FYB1: variants seen among roughly 807,000 people sequenced by gnomAD.
FYB1 encodes FYN-binding protein 1.
A neutral mutation model predicts 94.1 loss-of-function variants in FYB1; 41 were observed. The observed-to-expected ratio is 0.44, with a 90% CI of 0.34 to 0.57. The LOEUF (loss-of-function observed/expected upper bound fraction) is 0.57, where lower values mean the gene tolerates loss of function less well. FYB1 is among the 20% of genes least tolerant of loss of function. FYB1 has a pLI of 0.02. For synonymous variants in FYB1, 367 were observed against 353.2 expected (o/e 1.04, Z -0.44); for missense variants, 1,050 against 976.8 (o/e 1.07, Z -1.00).
intron 1 of FYB1, among the ~76,000 whole-genome samples, chr5:39,262,880 A>T (rs1752281251): frequency 6.6e-6 from 1 of 152,236 alleles, no homozygotes. Context: ...CACAGATAAA[A>T]TCAAAGCATA....
chr5:39,126,278 A>AAAT, intron 11 of FYB1, 143 bp from the exon 12 acceptor site: 1 of 847,292 alleles, frequency 1.2e-6, no homozygotes. Context: ...TTATTGGACA[A>AAAT]AATAGTGTTA....
At chr5:39,208,849 G>A (rs1281503639) in intron 1 of FYB1, 1 of 152,190 alleles carries the variant, frequency 6.6e-6, no homozygotes, top group Non-Finnish European at 1.5e-5. Flanking sequence ...TCTCCCCTAA[G>A]CTGGAGAAAC....
intron 1 of FYB1, among the ~76,000 whole-genome samples, chr5:39,243,298 A>G (rs1375285247): frequency 1.3e-5 from 2 of 151,826 alleles, no homozygotes; most frequent in African/African-American, 2.4e-5. Context: ...TCTTTAATCC[A>G]TCTTGAATTA....
intron 1 of FYB1, among the ~76,000 whole-genome samples, chr5:39,229,385 G>A (rs1270800118): frequency 2.0e-5 from 3 of 152,144 alleles, no homozygotes; most frequent in African/African-American, 7.2e-5. Flanking sequence ...GAAACCAGGG[G>A]AGAAATCAGC....
chr5:39,155,551 A>T (rs112871279), intron 2 of FYB1, among the ~76,000 whole-genome samples: 10,965 of 152,246 alleles, frequency 0.072, 584 homozygotes, highest in Non-Finnish European at 0.11. Context: ...CTTTTCCTCC[A>T]GTCTATTCAA....
intron 3 of FYB1, among the ~76,000 whole-genome samples, chr5:39,141,903 A>G (rs2150334157): frequency 6.6e-6 from 1 of 151,766 alleles, no homozygotes; most frequent in Non-Finnish European, 1.5e-5. Flanking sequence ...ACATAGTTCC[A>G]ATCCCTGACT....
At chr5:39,146,933 T>A (rs1742706789) in intron 3 of FYB1, among the ~76,000 whole-genome samples, 1 of 152,124 alleles carries the variant, frequency 6.6e-6, no homozygotes, top group Non-Finnish European at 1.5e-5. Flanking sequence ...GCAGGTGCCA[T>A]GAGTAAATCC....
rs557307156 is a variant in FYB1, at chr5:39,214,370, C to T, written c.-28+5073G>A. Among the ~76,000 whole-genome samples the T allele has an allele frequency of 4.5e-4, 69 of 152,262 alleles. 1 individual carries two copies. The highest frequency in any genetic ancestry group is 1.6e-3 in the African/African-American group (65 of 41,546). On this transcript the variant is annotated intron_variant, in intron 1 of 18. Coordinates refer to ENST00000512982, the MANE Select transcript of FYB1 (RefSeq NM_001465.6). ...ATTAAGCATAGAATGACCAAATGAT[C>T]CAACAATTCCACTTCTGGTGTATAC...
At chr5:39,235,750 T>C (rs543109738) in intron 1 of FYB1, among the ~76,000 whole-genome samples, 1 of 152,146 alleles carries the variant, frequency 6.6e-6, no homozygotes, top group East Asian at 1.9e-4. Context: ...ATCAAACATG[T>C]ATGGGAACTT....
intron 2 of FYB1, among the ~76,000 whole-genome samples, chr5:39,185,041 A>G (rs552207079): frequency 2.0e-5 from 3 of 152,280 alleles, no homozygotes; most frequent in African/African-American, 7.2e-5. Flanking sequence ...ATTTTAGCTT[A>G]TATGTTATTA....
intron 7 of FYB1, among the ~76,000 whole-genome samples, chr5:39,136,104 C>G (rs1016525546): frequency 3.3e-5 from 5 of 152,024 alleles, no homozygotes. Context: ...GAGTCTCGCT[C>G]TGTTGCCCAG....
chr5:39,125,907 T>G, intron 12 of FYB1, 91 bp downstream of exon 12: 1 of 1,252,598 alleles, frequency 8.0e-7, no homozygotes, highest in Non-Finnish European at 1.1e-6. Flanking sequence ...TCTATCAGAA[T>G]TTGGTTATTG....
chr5:39,192,388 C>T (rs956991510), intron 2 of FYB1, among the ~76,000 whole-genome samples: 14 of 152,188 alleles, frequency 9.2e-5, no homozygotes, highest in African/African-American at 3.4e-4. Context: ...GCATCTCATA[C>T]TTTATTTGAG....
At chr5:39,157,034 T>C (rs1743824154) in intron 2 of FYB1, among the ~76,000 whole-genome samples, 1 of 152,188 alleles carries the variant, frequency 6.6e-6, no homozygotes. Flanking sequence ...ACATATGTAA[T>C]CTTATTTATT....
At chr5:39,232,186 G>A (rs1353165274) in intron 1 of FYB1, among the ~76,000 whole-genome samples, 1 of 152,010 alleles carries the variant, frequency 6.6e-6, no homozygotes, top group East Asian at 1.9e-4. Context: ...GCACACACAC[G>A]CATACCAATC....
intron 2 of FYB1, among the ~76,000 whole-genome samples, chr5:39,173,352 G>A (rs1171212803): frequency 6.6e-6 from 1 of 152,100 alleles, no homozygotes; most frequent in African/African-American, 2.4e-5. Context: ...ACCTTTGTCA[G>A]ATGCATAGTT....
At position 39,134,347 on chromosome 5, in the gene FYB1, C is replaced by A; in HGVS notation, c.1678G>T (p.Gly560Cys). The A allele has an allele frequency of 6.3e-7, 1 of 1,593,430 alleles. No individual in the cohort carries two copies. Among genetic ancestry groups the A allele is most frequent in the South Asian group, 1.1e-5 (1 of 89,026 alleles). ...WLGRTARGSY[G>C]YIKTTAVEID... ...TCTACAGCAGTTGTTTTAATATAGC[C>A]ATCTACCAAAAAGGGAAATATTTAT... Residue 560 changes from glycine (G) to cysteine (C), a missense_variant and splice_region_variant, in exon 9 of 19, where the codon GGC becomes TGC. Transcript: ENST00000512982.
At chr5:39,247,242 G>A (rs557382185) in intron 1 of FYB1, among the ~76,000 whole-genome samples, 10 of 151,158 alleles carry the variant, frequency 6.6e-5, no homozygotes, top group African/African-American at 2.4e-4. Flanking sequence ...TTGCCTAATG[G>A]ATTATAGTTC....
At position 39,136,624 on chromosome 5, in the gene FYB1, G is replaced by A. The variant is rs112945178; in HGVS notation, c.1515+976C>T. Among the ~76,000 whole-genome samples the A allele has an allele frequency of 2.2e-4, 34 of 152,146 alleles. 2 individuals are homozygous for A. The highest frequency in any genetic ancestry group is 5.9e-4 in the Admixed American group (9 of 15,284). On this transcript the variant is annotated intron_variant, in intron 7 of 18. Coordinates refer to ENST00000512982, the MANE Select transcript of FYB1 (RefSeq NM_001465.6). ...CTTACTTAAAAGATTAAGAATCAGC[G>A]GCTCAGAGAAGTTAAGTGAGAAGCC...
Sources: gnomAD v4.1 joint callset for allele counts (sites outside exome capture counted in the v4.1 genomes callset) on GRCh38, gnomAD v4.1.1 for gene constraint, MANE v1.5 for transcripts, NCBI Gene and HGNC (gene_info 2026-07-23, HGNC 2026-07-21) for gene names.